WWOX: variants seen among roughly 807,000 people sequenced by gnomAD.
WWOX encodes WW domain-containing oxidoreductase.
In WWOX, 69 loss-of-function variants were observed where a neutral mutation model predicts 46.2. The observed-to-expected ratio is 1.49, with a 90% CI of 1.23 to 1.82. The LOEUF is 1.82. WWOX is among the 40% of genes most tolerant of loss of function. The pLI, the probability that WWOX is intolerant of heterozygous loss-of-function variation, is 0.00. For synonymous variants in WWOX, 359 were observed against 202.6 expected, an observed-to-expected ratio of 1.77 and a Z score of -6.56; for missense variants, 919 against 542.6, an observed-to-expected ratio of 1.69 and a Z score of -6.89.
At chr16:78,605,170 C>G (rs1272351901) in intron 8 of WWOX, among the ~76,000 whole-genome samples, 1 of 151,034 alleles carries the variant, frequency 6.6e-6, no homozygotes, top group Non-Finnish European at 1.5e-5. Flanking sequence ...TCTAGGAATG[C>G]CTGATGTATC....
chr16:78,787,543 ACT>A (rs1033397870), intron 8 of WWOX, among the ~76,000 whole-genome samples: 10 of 152,224 alleles, frequency 6.6e-5, no homozygotes, highest in Non-Finnish European at 1.0e-4. Context: ...TGGATATACC[ACT>A]TTTTGTTTAT....
rs377108779 is a variant in WWOX at position 78,599,404 on chromosome 16, C to T, written c.1056+166652C>T. Among the ~76,000 whole-genome samples, 8 of 152,306 alleles carry T rather than the reference C, an allele frequency of 5.3e-5. No individual in the cohort carries two copies. In the East Asian group the frequency reaches 1.4e-3, roughly 26 times the overall value. ...GAAGGAAACCAAAGGGCCTGCTGCC[C>T]TGCCCCCGCCATAGCCTAAGGCTGT... On this transcript the variant is annotated intron_variant, in intron 8 of 8. Transcript: ENST00000566780.
chr16:78,987,125 A>G (rs1159130569), intron 8 of WWOX, among the ~76,000 whole-genome samples: 1 of 152,062 alleles, frequency 6.6e-6, no homozygotes, highest in Non-Finnish European at 1.5e-5. Context: ...GCAGTATAGG[A>G]CTCCAATATT....
intron 8 of WWOX, among the ~76,000 whole-genome samples, chr16:79,176,186 C>G (rs1225672770): frequency 6.6e-6 from 1 of 152,172 alleles, no homozygotes; most frequent in African/African-American, 2.4e-5. Flanking sequence ...TAGCTGAAAC[C>G]CCCAAAGGGG....
intron 3 of WWOX, among the ~76,000 whole-genome samples, chr16:78,114,723 A>G (rs944623460): frequency 6.8e-6 from 1 of 148,082 alleles, no homozygotes; most frequent in African/African-American, 2.7e-5. Context: ...GATACATGGC[A>G]ATAGTTATTG....
chr16:78,214,048 C>T (rs2151790740), intron 5 of WWOX, among the ~76,000 whole-genome samples: 1 of 152,242 alleles, frequency 6.6e-6, no homozygotes, highest in East Asian at 1.9e-4. Flanking sequence ...GGGGCAGGGG[C>T]ACCTGGCCCA....
intron 5 of WWOX, among the ~76,000 whole-genome samples, chr16:78,209,630 A>G (rs1597354923): frequency 6.6e-6 from 1 of 152,216 alleles, no homozygotes; most frequent in Non-Finnish European, 1.5e-5. Context: ...CCAGAGAGAG[A>G]GTATACATGT....
intron 8 of WWOX, among the ~76,000 whole-genome samples, chr16:78,707,843 AAATAAATAAAT>A (rs2048356092): frequency 6.8e-5 from 1 of 14,768 alleles, no homozygotes; most frequent in African/African-American, 2.0e-4. Flanking sequence ...TCAAAAATAT[AAATAAATAAAT>A]AAATAAATAA....
chr16:79,135,348 C>T (rs113914890), intron 8 of WWOX, among the ~76,000 whole-genome samples: 4,053 of 152,132 alleles, frequency 0.027, 166 homozygotes, highest in African/African-American at 0.091. Flanking sequence ...TTATGGATTA[C>T]ATTTATTTTC....
At chr16:78,355,477 C>CTGTA in intron 5 of WWOX, 1 of 335,996 alleles carries the variant, frequency 3.0e-6, no homozygotes, top group Non-Finnish European at 5.9e-6. Flanking sequence ...TGGCGGGCAC[C>CTGTA]TGTAGTCCCA....
At chr16:78,323,468 T>C (rs1004018520) in intron 5 of WWOX, among the ~76,000 whole-genome samples, 5 of 151,750 alleles carry the variant, frequency 3.3e-5, no homozygotes, top group African/African-American at 9.7e-5. Flanking sequence ...GATAAATTGT[T>C]ATCAGGAGAC....
At chr16:78,610,647 G>C (rs1348772327) in intron 8 of WWOX, among the ~76,000 whole-genome samples, 1 of 152,134 alleles carries the variant, frequency 6.6e-6, no homozygotes, top group Non-Finnish European at 1.5e-5. Context: ...TTCTCCTAAA[G>C]TGAACCCAGA....
chr16:78,163,981 C>G (rs369205116), intron 4 of WWOX, among the ~76,000 whole-genome samples: 4 of 152,050 alleles, frequency 2.6e-5, no homozygotes, highest in African/African-American at 4.8e-5. Flanking sequence ...TGGTGTTTAC[C>G]CACTAGATGC....
chr16:78,464,264 G>A (rs1366120606), intron 8 of WWOX, among the ~76,000 whole-genome samples: 1 of 151,780 alleles, frequency 6.6e-6, no homozygotes, highest in African/African-American at 2.4e-5. Flanking sequence ...GATGGAGGAT[G>A]ACAGGGAGAT....
intron 8 of WWOX, among the ~76,000 whole-genome samples, chr16:79,125,427 A>G (rs2049730954): frequency 6.6e-6 from 1 of 152,240 alleles, no homozygotes. Flanking sequence ...AGAGTGCATT[A>G]TCTGAAGCCT....
intron 8 of WWOX, among the ~76,000 whole-genome samples, chr16:78,999,734 G>C (rs1157220726): frequency 2.0e-5 from 3 of 152,144 alleles, no homozygotes; most frequent in South Asian, 2.1e-4. Context: ...AGGGGGATGA[G>C]GGTTGGAAAA....
At chr16:78,965,642 T>G (rs951033283) in intron 8 of WWOX, among the ~76,000 whole-genome samples, 4 of 152,134 alleles carry the variant, frequency 2.6e-5, no homozygotes, top group African/African-American at 9.7e-5. Context: ...CTGGCACTGT[T>G]AGCATCTCTG....
chr16:78,353,049 G>C (rs1291151612), intron 5 of WWOX, among the ~76,000 whole-genome samples: 1 of 152,116 alleles, frequency 6.6e-6, no homozygotes, highest in African/African-American at 2.4e-5. Context: ...TAAAATAATG[G>C]CAGTTTGTAA....
At chr16:78,379,047 C>G (rs1315712706) in intron 5 of WWOX, among the ~76,000 whole-genome samples, 1 of 152,114 alleles carries the variant, frequency 6.6e-6, no homozygotes. Context: ...CTAGCTTGGC[C>G]ACTGTCACGT....
Sources: allele counts gnomAD v4.1 joint callset (sites outside exome capture counted in the v4.1 genomes callset), GRCh38; gene constraint gnomAD v4.1.1; transcripts MANE v1.5; gene names NCBI Gene and HGNC (gene_info 2026-07-23, HGNC 2026-07-21).